The following MGAT4C variants were observed in gnomAD, a reference collection of about 807,000 sequenced individuals.
The protein encoded by MGAT4C is MGAT4 family member C.
MGAT4C carries 19 observed loss-of-function variants against 40.1 expected under a neutral mutation model. The observed-to-expected ratio is 0.47, with a 90% CI of 0.33 to 0.70. The LOEUF (loss-of-function observed/expected upper bound fraction) is 0.70. MGAT4C is among the 30% of genes least tolerant of loss of function. The pLI is 0.02. For synonymous variants in MGAT4C, 181 were observed against 187.1 expected (o/e 0.97, Z 0.27); for missense variants, 491 against 563.2 (o/e 0.87, Z 1.30).
At chr12:86,657,965 T>G (rs1963891034) in intron 2 of MGAT4C, among the ~76,000 whole-genome samples, 1 of 151,990 alleles carries the variant, frequency 6.6e-6, no homozygotes, top group African/African-American at 2.4e-5. Context: ...ATAAAGAACA[T>G]AGCCTACTTT....
intron 2 of MGAT4C, among the ~76,000 whole-genome samples, chr12:86,528,627 G>A (rs1234254485): frequency 1.3e-5 from 2 of 151,956 alleles, no homozygotes; most frequent in African/African-American, 2.4e-5. Flanking sequence ...ATGAACTTAT[G>A]CAAAAATTAA....
intron 1 of MGAT4C, among the ~76,000 whole-genome samples, chr12:86,199,671 T>C (rs1352411102): frequency 6.6e-6 from 1 of 152,154 alleles, no homozygotes; most frequent in Non-Finnish European, 1.5e-5. Flanking sequence ...AGAACAAGCA[T>C]ATATATTGTC....
At chr12:86,632,364 G>A (rs573626630) in intron 2 of MGAT4C, among the ~76,000 whole-genome samples, 17 of 152,102 alleles carry the variant, frequency 1.1e-4, no homozygotes, top group African/African-American at 3.4e-4. Flanking sequence ...CTCAAGGATC[G>A]AGAACTAGAA....
At chr12:85,989,372 G>A in intron 3 of MGAT4C, 28 bp downstream of exon 3, 1 of 1,537,648 alleles carries the variant, frequency 6.5e-7, no homozygotes, top group Middle Eastern at 1.7e-4. Context: ...TTATTTTGAA[G>A]AAAAGACAAT....
At chr12:86,091,003 T>C (rs942340169) in intron 1 of MGAT4C, among the ~76,000 whole-genome samples, 2 of 151,990 alleles carry the variant, frequency 1.3e-5, no homozygotes, top group African/African-American at 2.4e-5. Flanking sequence ...CATGTAGTTT[T>C]ATCTTCCCTT....
chr12:86,800,782 A>G (rs1000817552), intron 1 of MGAT4C, among the ~76,000 whole-genome samples: 1 of 151,916 alleles, frequency 6.6e-6, no homozygotes, highest in Non-Finnish European at 1.5e-5. Flanking sequence ...GACTTTCTCC[A>G]TGACCAAAAT....
intron 1 of MGAT4C, among the ~76,000 whole-genome samples, chr12:86,251,413 T>C (rs139166233): frequency 4.3e-4 from 66 of 152,140 alleles, no homozygotes; most frequent in African/African-American, 1.5e-3. Flanking sequence ...ACTACCTGAA[T>C]ACAATTTGCA....
chr12:86,490,602 T>A (rs901223100), intron 2 of MGAT4C, among the ~76,000 whole-genome samples: 1 of 152,008 alleles, frequency 6.6e-6, no homozygotes, highest in East Asian at 1.9e-4. Context: ...ATGGACTAAA[T>A]GCTCCAATTA....
chr12:86,688,157 C>CTTTTTTTTTTTTT (rs55637680), intron 2 of MGAT4C, among the ~76,000 whole-genome samples: 45 of 65,228 alleles, frequency 6.9e-4, no homozygotes, highest in East Asian at 1.7e-3. Flanking sequence ...GCAACCCCTG[C>CTTTTTTTTTTTTT]TTTTTTTTTT....
intron 1 of MGAT4C, among the ~76,000 whole-genome samples, chr12:86,146,638 G>C (rs930743308): frequency 6.6e-6 from 1 of 151,790 alleles, no homozygotes; most frequent in Non-Finnish European, 1.5e-5. Context: ...GGATATTTTT[G>C]AGATTTTCCT....
chr12:86,601,601 G>A (rs960952267), intron 2 of MGAT4C, among the ~76,000 whole-genome samples: 1 of 152,030 alleles, frequency 6.6e-6, no homozygotes, highest in Non-Finnish European at 1.5e-5. Context: ...AGCAGGCCAG[G>A]AACTCAGGAC....
chr12:86,464,206 G>A (rs947245643), intron 2 of MGAT4C, among the ~76,000 whole-genome samples: 4 of 152,156 alleles, frequency 2.6e-5, no homozygotes, highest in Non-Finnish European at 5.9e-5. Context: ...GTAATTTGGA[G>A]AATATGGGGC....
intron 2 of MGAT4C, among the ~76,000 whole-genome samples, chr12:86,514,076 A>ACG (rs1958641670): frequency 6.7e-6 from 1 of 148,908 alleles, no homozygotes; most frequent in Non-Finnish European, 1.5e-5. Context: ...CAACACACAC[A>ACG]CACACACACA....
At chr12:86,707,187 G>A (rs757593308) in intron 2 of MGAT4C, among the ~76,000 whole-genome samples, 55 of 152,190 alleles carry the variant, frequency 3.6e-4, no homozygotes, top group Non-Finnish European at 6.8e-4. Flanking sequence ...CTGCTAAAAA[G>A]ATACCCAAAA....
At chr12:86,622,381 C>T (rs1218989140) in intron 2 of MGAT4C, among the ~76,000 whole-genome samples, 4 of 151,888 alleles carry the variant, frequency 2.6e-5, no homozygotes, top group African/African-American at 9.7e-5. Context: ...CAGAGTAACC[C>T]ATCTATTTGA....
At chr12:86,484,873 A>G (rs915176679) in intron 2 of MGAT4C, among the ~76,000 whole-genome samples, 1 of 152,182 alleles carries the variant, frequency 6.6e-6, no homozygotes, top group Admixed American at 6.6e-5. Flanking sequence ...CCAGCCCACC[A>G]AAAAGCACCA....
At chr12:86,494,085 C>T (rs893324457) in intron 2 of MGAT4C, among the ~76,000 whole-genome samples, 3 of 151,784 alleles carry the variant, frequency 2.0e-5, no homozygotes, top group African/African-American at 7.3e-5. Flanking sequence ...GATGTAAAAC[C>T]TTTCATTCAC....
chr12:86,052,066 C>G (rs1054233033), intron 1 of MGAT4C, among the ~76,000 whole-genome samples: 12 of 151,452 alleles, frequency 7.9e-5, no homozygotes, highest in Non-Finnish European at 1.6e-4. Flanking sequence ...CTCATAGATA[C>G]TTAAATATAT....
chr12:86,226,364 T>C (rs995337004), intron 1 of MGAT4C, among the ~76,000 whole-genome samples: 2 of 151,960 alleles, frequency 1.3e-5, no homozygotes, highest in Non-Finnish European at 2.9e-5. Context: ...GAATACAGTG[T>C]ATGAAATTGA....
Sources: allele counts gnomAD v4.1 joint callset (sites outside exome capture counted in the v4.1 genomes callset), GRCh38; gene constraint gnomAD v4.1.1; transcripts MANE v1.5; gene names NCBI Gene and HGNC (gene_info 2026-07-23, HGNC 2026-07-21).